C3orf22: variants seen among roughly 807,000 people sequenced by gnomAD.
The protein encoded by C3orf22 is uncharacterized protein C3orf22.
C3orf22 carries 7 observed loss-of-function variants against 10.8 expected under a neutral mutation model. That is an observed-to-expected ratio of 0.65 (90% CI 0.37 to 1.22). The LOEUF is 1.22. C3orf22 is among the 50% of genes most tolerant of loss of function. The pLI, the probability that C3orf22 is intolerant of heterozygous loss-of-function variation, is 0.02. For synonymous variants in C3orf22, 79 were observed against 78.9 expected, an observed-to-expected ratio of 1.00 and a Z score of 0.00; for missense variants, 173 against 177.0, an observed-to-expected ratio of 0.98 and a Z score of 0.13.
intron 4 of C3orf22, among the ~76,000 whole-genome samples, chr3:126,532,230 G>T (rs1477713563): frequency 6.6e-6 from 1 of 152,172 alleles, no homozygotes; most frequent in East Asian, 1.9e-4. Flanking sequence ...TCACCTTCTT[G>T]ATAGTGTGCT....
chr3:126,539,829 AC>A (rs1936903934), intron 4 of C3orf22, among the ~76,000 whole-genome samples: 6 of 75,340 alleles, frequency 8.0e-5, no homozygotes, highest in East Asian at 3.6e-4. Context: ...CACACATACC[AC>A]ACACACACCA....
chr3:126,541,840 G>C (rs1936963759), intron 4 of C3orf22: 2 of 1,576,134 alleles, frequency 1.3e-6, no homozygotes, highest in Admixed American at 1.8e-5. Context: ...CGGAGGACCT[G>C]CGGCACGTGC....
At chr3:126,539,537 CCA>C (rs1321400302) in intron 4 of C3orf22, among the ~76,000 whole-genome samples, 1 of 144,132 alleles carries the variant, frequency 6.9e-6, no homozygotes, top group African/African-American at 2.6e-5. Flanking sequence ...CATGCACACA[CCA>C]CACACACCGC....
chr3:126,551,167 G>A (rs930228576), intron 3 of C3orf22, among the ~76,000 whole-genome samples: 1 of 152,176 alleles, frequency 6.6e-6, no homozygotes, highest in African/African-American at 2.4e-5. Flanking sequence ...TGTGTTCAGG[G>A]GAACGCGTGT....
At chr3:126,532,626 A>G (rs982170255) in intron 4 of C3orf22, among the ~76,000 whole-genome samples, 1 of 152,202 alleles carries the variant, frequency 6.6e-6, no homozygotes, top group South Asian at 2.1e-4. Context: ...TCATTCATCT[A>G]TATGTCTCTC....
chr3:126,550,473 A>C (rs1873392), intron 3 of C3orf22, among the ~76,000 whole-genome samples: 130,898 of 152,182 alleles, frequency 0.86, 56,809 homozygotes, highest in Middle Eastern at 0.95. Context: ...GACTGTGAGG[A>C]CACCCTCTGT....
In C3orf22 at chr3:126,542,723, C is replaced by T. The variant is rs1936998719; in HGVS notation, c.286+6814G>A. ...CCGCCGGGCCAGCGGGCGCAGGGCA[C>T]ACCTGGCCAGGCTTGGGGGCAGCCC... On this transcript the variant is annotated intron_variant and NMD_transcript_variant, in intron 4 of 5. Transcript: ENST00000505070. 4 of 1,257,778 alleles carry T rather than the reference C, an allele frequency of 3.2e-6. No homozygotes were observed. In the Admixed American group the frequency reaches 1.2e-4, roughly 38 times the overall value. The allele number at this position is 1,257,778 out of a possible 1,614,324, so 77.9% of individuals were successfully genotyped here. A position where few individuals can be genotyped will look rare whatever the true frequency, so the allele number is the denominator to read the frequency against.
intron 2 of C3orf22, among the ~76,000 whole-genome samples, chr3:126,553,041 C>T (rs947170100): frequency 3.3e-5 from 5 of 152,212 alleles, no homozygotes; most frequent in East Asian, 1.9e-4. Flanking sequence ...ATGCTCCTCG[C>T]GTGACTTGGG....
In C3orf22 at chr3:126,537,036, T is replaced by A. The variant is rs567153529; in HGVS notation, c.287-7664A>T. On this transcript the variant is annotated intron_variant and NMD_transcript_variant, in intron 4 of 5. Coordinates refer to the C3orf22 transcript ENST00000505070. ...AAGCAGGTTGGCCAGGTCCCTCCCCTAGTGGAGCCACCAGTCCAGCAGGGG... is the reference window on the plus strand; with the variant it reads ...AAGCAGGTTGGCCAGGTCCCTCCCCAAGTGGAGCCACCAGTCCAGCAGGGG... 2.6e-5 allele frequency among the ~76,000 whole-genome samples: 4 copies of A among 152,236 alleles called. No individual in the cohort carries two copies. In the East Asian group the frequency reaches 7.7e-4, roughly 29 times the overall value.
At chr3:126,557,675 C>T (rs980498739) in intron 1 of C3orf22, among the ~76,000 whole-genome samples, 3 of 152,220 alleles carry the variant, frequency 2.0e-5, no homozygotes, top group Non-Finnish European at 4.4e-5. Context: ...GCTCACCCAC[C>T]GCCTCCGTGC....
chr3:126,536,918 C>T (rs1936807376), intron 4 of C3orf22, among the ~76,000 whole-genome samples: 1 of 151,456 alleles, frequency 6.6e-6, no homozygotes, highest in Non-Finnish European at 1.5e-5. Context: ...CACACACACA[C>T]ACACACCCCA....
intron 4 of C3orf22, chr3:126,542,335 C>G: frequency 6.4e-7 from 1 of 1,566,498 alleles, no homozygotes; most frequent in Non-Finnish European, 8.6e-7. Context: ...GCCTCCGCTA[C>G]GACGTCGTGG....
chr3:126,553,164 G>A (rs912265318), intron 2 of C3orf22, 138 bp downstream of exon 2: 1 of 734,424 alleles, frequency 1.4e-6, no homozygotes, highest in Non-Finnish European at 2.4e-6. Flanking sequence ...CTGTCAGCTG[G>A]GCAAGGGCTG....
In C3orf22 at chr3:126,542,417, C is replaced by T. The variant is rs1205065885; in HGVS notation, c.286+7120G>A. On this transcript the variant is annotated intron_variant and NMD_transcript_variant, in intron 4 of 5. Transcript: ENST00000505070. ...GGCGGGCGCATCCGACCTGAGCTTC[C>T]CTGGGCCGCCGCGGCCCCGGGGAGC... The T allele has an allele frequency of 1.9e-6, 3 of 1,553,420 alleles. No homozygotes were observed. The Admixed American group carries it at 5.8e-5, about 30-fold the overall frequency.
At chr3:126,532,370 G>A (rs2087599) in intron 4 of C3orf22, among the ~76,000 whole-genome samples, 3,477 of 152,188 alleles carry the variant, frequency 0.023, 56 homozygotes, top group South Asian at 0.044. Flanking sequence ...GATTTATGTC[G>A]GTGTTTTCAC....
chr3:126,553,457 G>C, intron 1 of C3orf22, 27 bp from the exon 2 acceptor site: 1 of 1,395,944 alleles, frequency 7.2e-7, no homozygotes, highest in Non-Finnish European at 1.0e-6. Flanking sequence ...GGCGTCAGAG[G>C]GGGCAGGGGT....
chr3:126,542,219 G>C (rs748107873), intron 4 of C3orf22: 1 of 1,482,762 alleles, frequency 6.7e-7, no homozygotes, highest in East Asian at 2.8e-5. Flanking sequence ...CGGCCACGAC[G>C]TGCGCTTCGC....
Position 126,553,450 on chromosome 3 carries a change from G to A in C3orf22, c.-40-20C>T, listed in dbSNP as rs988446146. 125 of 1,356,264 alleles carry A rather than the reference G, an allele frequency of 9.2e-5. No homozygotes were observed. The highest frequency in any genetic ancestry group is 1.1e-4 in the Non-Finnish European group (107 of 950,086). 84.0% of individuals were successfully genotyped at this position (1,356,264 alleles called of 1,614,324 possible). On this transcript the variant is annotated intron_variant, in intron 1 of 3. Coordinates refer to ENST00000318225, the MANE Select transcript of C3orf22 (RefSeq NM_152533.3). ...CCATGGCTGGAAGACAAGAGGAGGC[G>A]TCAGAGGGGGCAGGGGTGGTGGGGG...
At chr3:126,537,668 G>A (rs968417210) in intron 4 of C3orf22, among the ~76,000 whole-genome samples, 1 of 152,220 alleles carries the variant, frequency 6.6e-6, no homozygotes, top group African/African-American at 2.4e-5. Flanking sequence ...GCTTCTGAGG[G>A]GCAGATGGCC....
Sources: gnomAD v4.1 joint callset for allele counts (sites outside exome capture counted in the v4.1 genomes callset) on GRCh38, gnomAD v4.1.1 for gene constraint, MANE v1.5 for transcripts, NCBI Gene and HGNC (gene_info 2026-07-23, HGNC 2026-07-21) for gene names.